The following ACVR2A variants were observed in gnomAD, a reference collection of about 807,000 sequenced individuals.
The protein encoded by ACVR2A is activin A receptor type 2A.
In ACVR2A, 7 loss-of-function variants were observed where a neutral mutation model predicts 61.4. The observed-to-expected ratio is 0.11, with a 90% CI of 0.06 to 0.21. ACVR2A has a LOEUF of 0.21. Among genes scored for constraint, ACVR2A ranks in the 10% least tolerant of loss-of-function variants. The pLI, the probability that ACVR2A is intolerant of heterozygous loss-of-function variation, is 1.00. For synonymous variants in ACVR2A, 193 were observed against 208.3 expected, an observed-to-expected ratio of 0.93 and a Z score of 0.63; for missense variants, 322 against 621.7, an observed-to-expected ratio of 0.52 and a Z score of 5.13.
At chr2:147,856,634 G>A (rs1190097543) in intron 1 of ACVR2A, among the ~76,000 whole-genome samples, 1 of 151,954 alleles carries the variant, frequency 6.6e-6, no homozygotes, top group Non-Finnish European at 1.5e-5. Context: ...ATTATATGAG[G>A]AGAAATGAAA....
rs116925255 is a variant in ACVR2A, at chr2:147,888,544, C to G, written c.56-7757C>G. Among the ~76,000 whole-genome samples the G allele has an allele frequency of 2.8e-4, 43 of 152,240 alleles. 1 individual carries two copies. The East Asian group carries it at 8.1e-3, about 29-fold the overall frequency. On this transcript the variant is annotated intron_variant, in intron 1 of 10. Coordinates refer to ENST00000241416, the MANE Select transcript of ACVR2A (RefSeq NM_001616.5). ...TTATTTTTCTTCAGAGCAACCGTAA[C>G]TGGTGTTGCATTTTTAATTTTAGTT...
intron 4 of ACVR2A, among the ~76,000 whole-genome samples, chr2:147,901,178 T>C (rs916689869): frequency 2.0e-5 from 3 of 151,992 alleles, no homozygotes; most frequent in Non-Finnish European, 4.4e-5. Flanking sequence ...CAAATGGCCA[T>C]AGGATACACT....
chr2:147,928,838 G>C lies in ACVR2A; in HGVS notation c.*1564G>C, dbSNP rs1475552789. On this transcript the variant is annotated 3_prime_UTR_variant, in exon 11 of 11. Transcript: ENST00000241416. ...AAAACATTAATTTTCTGAATTTCCAGATTACCAATCAATTAATCAACAAAT... is the reference window on the plus strand; with the variant it reads ...AAAACATTAATTTTCTGAATTTCCACATTACCAATCAATTAATCAACAAAT... 41 of 152,342 alleles carry C rather than the reference G, an allele frequency of 2.7e-4. No homozygotes were observed. 9.4% of individuals were successfully genotyped at this position (152,342 alleles called of 1,614,324 possible). A position where few individuals can be genotyped will look rare whatever the true frequency, so the allele number is the denominator to read the frequency against.
At chr2:147,884,195 CTG>C (rs1686376806) in intron 1 of ACVR2A, among the ~76,000 whole-genome samples, 1 of 152,088 alleles carries the variant, frequency 6.6e-6, no homozygotes, top group Non-Finnish European at 1.5e-5. Flanking sequence ...CCTATAAATT[CTG>C]TTGCAAGTAT....
intron 1 of ACVR2A, among the ~76,000 whole-genome samples, chr2:147,857,820 A>G (rs984011093): frequency 1.3e-4 from 20 of 149,480 alleles, no homozygotes; most frequent in African/African-American, 4.6e-4. Flanking sequence ...ACATATATAC[A>G]TGCGACTTAA....
intron 1 of ACVR2A, among the ~76,000 whole-genome samples, chr2:147,858,743 T>C (rs1040617995): frequency 1.3e-5 from 2 of 152,338 alleles, no homozygotes; most frequent in African/African-American, 4.8e-5. Flanking sequence ...CAGTCCCTTT[T>C]GCAGTTTCTC....
intron 1 of ACVR2A, among the ~76,000 whole-genome samples, chr2:147,862,848 A>T (rs1363505172): frequency 6.6e-6 from 1 of 152,228 alleles, no homozygotes; most frequent in East Asian, 1.9e-4. Context: ...ACTTGGGTCA[A>T]AATTGGAACT....
chr2:147,884,093 A>C (rs1219453080), intron 1 of ACVR2A, among the ~76,000 whole-genome samples: 7 of 152,124 alleles, frequency 4.6e-5, no homozygotes, highest in African/African-American at 1.7e-4. Context: ...ATTTTTTTAG[A>C]AGCTCTGTTC....
At chr2:147,917,474 C>G (rs747747174) in intron 6 of ACVR2A, 48 bp downstream of exon 6, 1 of 1,586,968 alleles carries the variant, frequency 6.3e-7, no homozygotes, top group Non-Finnish European at 8.6e-7. Flanking sequence ...GTTGGCCTGC[C>G]TACCTAATGC....
chr2:147,900,031 A>G, intron 4 of ACVR2A, 133 bp downstream of exon 4: 1 of 995,140 alleles, frequency 1.0e-6, no homozygotes, highest in Non-Finnish European at 1.4e-6. Flanking sequence ...TTGTCATGAG[A>G]ACTCTAGCTA....
In ACVR2A at chr2:147,920,290, T is replaced by C; in HGVS notation, c.1023T>C (p.Phe341=). 6 of 1,613,680 alleles carry C rather than the reference T, an allele frequency of 3.7e-6. No homozygotes were observed. The highest frequency in any genetic ancestry group is 4.2e-6 in the Non-Finnish European group (5 of 1,179,662). ...KNNLTACIAD[F]GLALKFEAGK... is the part of the protein sequence containing the mutation. ...ACCTGACAGCTTGCATTGCTGACTT[T>C]GGGTTGGCCTTAAAATTTGAGGCTG... The change falls in exon 8 of 11, where the codon TTT becomes TTC. Residue 341 remains phenylalanine (F), a synonymous_variant. Coordinates refer to ENST00000241416, the MANE Select transcript of ACVR2A (RefSeq NM_001616.5).
At chr2:147,882,103 T>C (rs1298883635) in intron 1 of ACVR2A, among the ~76,000 whole-genome samples, 1 of 152,208 alleles carries the variant, frequency 6.6e-6, no homozygotes, top group Non-Finnish European at 1.5e-5. Flanking sequence ...ATTTGAGAAA[T>C]TGATTGAGTT....
intron 1 of ACVR2A, among the ~76,000 whole-genome samples, chr2:147,862,336 A>G (rs1361329280): frequency 1.3e-5 from 2 of 151,728 alleles, no homozygotes; most frequent in African/African-American, 4.8e-5. Context: ...TGTTGTAACT[A>G]TAAATCCACA....
chr2:147,864,410 T>G (rs1365582594), intron 1 of ACVR2A, among the ~76,000 whole-genome samples: 1 of 152,076 alleles, frequency 6.6e-6, no homozygotes, highest in African/African-American at 2.4e-5. Flanking sequence ...TTTTTGTATT[T>G]TTTTAGAGGT....
chr2:147,855,081 A>T (rs1685536306), intron 1 of ACVR2A, among the ~76,000 whole-genome samples: 1 of 152,064 alleles, frequency 6.6e-6, no homozygotes, highest in Non-Finnish European at 1.5e-5. Flanking sequence ...GGGTTTAACC[A>T]TGTTGGGCAG....
At chr2:147,901,935 A>G (rs1023813805) in intron 4 of ACVR2A, among the ~76,000 whole-genome samples, 8 of 152,012 alleles carry the variant, frequency 5.3e-5, no homozygotes, top group African/African-American at 1.9e-4. Flanking sequence ...GCCATCATGT[A>G]ACAAAAGGCT....
chr2:147,907,268 C>T (rs1451392070), intron 4 of ACVR2A, among the ~76,000 whole-genome samples: 1 of 152,104 alleles, frequency 6.6e-6, no homozygotes, highest in East Asian at 1.9e-4. Flanking sequence ...GGTTCCATGT[C>T]TTTGCTGTTG....
intron 4 of ACVR2A, among the ~76,000 whole-genome samples, chr2:147,912,286 A>G (rs992069338): frequency 6.6e-6 from 1 of 151,994 alleles, no homozygotes. Context: ...TAATTTTTAC[A>G]TATAAATGAG....
intron 9 of ACVR2A, among the ~76,000 whole-genome samples, chr2:147,923,999 C>G (rs1316554774): frequency 6.6e-6 from 1 of 151,968 alleles, no homozygotes; most frequent in Non-Finnish European, 1.5e-5. Context: ...ATATAGGGTA[C>G]TATTAAAGGG....
Sources: allele counts gnomAD v4.1 joint callset (sites outside exome capture counted in the v4.1 genomes callset), GRCh38; gene constraint gnomAD v4.1.1; transcripts MANE v1.5; gene names NCBI Gene and HGNC (gene_info 2026-07-23, HGNC 2026-07-21).